Variants in SV2B observed in about 807,000 individuals in gnomAD.
SV2B encodes the protein synaptic vesicle glycoprotein 2B.
In SV2B, 41 loss-of-function variants were observed where a neutral mutation model predicts 73.9. That is an observed-to-expected ratio of 0.56 (90% CI 0.43 to 0.72). The LOEUF is 0.72. SV2B is among the 30% of genes least tolerant of loss of function. SV2B has a pLI of 0.00. For synonymous variants in SV2B, 314 were observed against 314.2 expected (o/e 1.00, Z 0.01); for missense variants, 764 against 857.8 (o/e 0.89, Z 1.37).
At chr15:91,270,012 C>T (rs1422902502) in intron 9 of SV2B, among the ~76,000 whole-genome samples, 2 of 152,094 alleles carry the variant, frequency 1.3e-5, no homozygotes, top group Admixed American at 6.5e-5. Context: ...ATTGTCTGAG[C>T]TCTTTAGTAT....
At chr15:91,152,071 CTT>C (rs59094531) in intron 1 of SV2B, among the ~76,000 whole-genome samples, 77 of 137,214 alleles carry the variant, frequency 5.6e-4, no homozygotes, top group Non-Finnish European at 7.7e-4. Context: ...AATTTTTACT[CTT>C]TTTTTTTTTT....
chr15:91,257,211 A>T (rs1248397238), intron 4 of SV2B, among the ~76,000 whole-genome samples: 1 of 152,214 alleles, frequency 6.6e-6, no homozygotes, highest in Non-Finnish European at 1.5e-5. Flanking sequence ...TTTCTAAAAA[A>T]AATCAATGTA....
chr15:91,168,670 A>G (rs2044008122), intron 1 of SV2B, among the ~76,000 whole-genome samples: 1 of 152,168 alleles, frequency 6.6e-6, no homozygotes, highest in East Asian at 1.9e-4. Flanking sequence ...TGAAAAAAAA[A>G]TTAAACCAGG....
At chr15:91,198,223 A>G (rs2045323390) in intron 1 of SV2B, among the ~76,000 whole-genome samples, 1 of 152,086 alleles carries the variant, frequency 6.6e-6, no homozygotes, top group Non-Finnish European at 1.5e-5. Context: ...CAATGTTAAG[A>G]TTAGATAAAG....
At chr15:91,217,894 C>G (rs1013388701) in intron 1 of SV2B, among the ~76,000 whole-genome samples, 2 of 152,214 alleles carry the variant, frequency 1.3e-5, no homozygotes, top group Non-Finnish European at 2.9e-5. Flanking sequence ...CAGGTCCTGT[C>G]TCCAGTAGTC....
At chr15:91,230,948 G>C (rs1014241891) in intron 2 of SV2B, among the ~76,000 whole-genome samples, 1 of 152,170 alleles carries the variant, frequency 6.6e-6, no homozygotes, top group Non-Finnish European at 1.5e-5. Flanking sequence ...GGGCTGGGGG[G>C]CGTTCTGGAG....
In SV2B at chr15:91,210,677, A is replaced by C. The variant is rs531355062; in HGVS notation, c.-391-15196A>C. Among the ~76,000 whole-genome samples the C allele has an allele frequency of 3.7e-4, 57 of 152,292 alleles. 2 individuals carry two copies. The highest frequency in any genetic ancestry group is 3.4e-3 in the Middle Eastern group (1 of 294). On this transcript the variant is annotated intron_variant, in intron 1 of 12. Coordinates refer to ENST00000394232, the MANE Select transcript of SV2B (RefSeq NM_001323032.3). ...ATCCACAAAGTTTCTTGAGTCTTTT[A>C]GGAAGAGATCAAATTTCCAGCCAGT...
Position 91,289,759 on chromosome 15 carries a change from T to C in SV2B, c.1868+79T>C, listed in dbSNP as rs2048979729. 3.4e-5 allele frequency: 50 copies of C among 1,465,504 alleles called. No individual in the cohort carries two copies. Among genetic ancestry groups the C allele is most frequent in the Non-Finnish European group, 4.3e-5 (47 of 1,080,644 alleles). The allele number at this position is 1,465,504 out of a possible 1,614,324, so 90.8% of individuals were successfully genotyped here. On this transcript the variant is annotated intron_variant, in intron 12 of 12. Coordinates refer to ENST00000394232, the MANE Select transcript of SV2B (RefSeq NM_001323032.3). The surrounding 1 kb of genome is among the most constrained non-coding windows in gnomAD (Gnocchi z 4.9). ...AAGTCTACCTGCTCCCTAAATCTCATGCTGTGCATGGCCATCGTGGTCTTT... is the reference window on the plus strand; with the variant it reads ...AAGTCTACCTGCTCCCTAAATCTCACGCTGTGCATGGCCATCGTGGTCTTT...
intron 1 of SV2B, among the ~76,000 whole-genome samples, chr15:91,151,554 A>G (rs568834679): frequency 1.1e-4 from 16 of 152,360 alleles, no homozygotes; most frequent in African/African-American, 3.8e-4. Context: ...ATCTCACCAA[A>G]CACAGGGAAA....
intron 1 of SV2B, among the ~76,000 whole-genome samples, chr15:91,102,535 C>T (rs2041759819): frequency 6.6e-6 from 1 of 152,134 alleles, no homozygotes; most frequent in African/African-American, 2.4e-5. Context: ...ATGTGTCAGC[C>T]ATTGCTCTAT....
intron 1 of SV2B, 40 bp from the exon 2 acceptor site, chr15:91,225,833 C>A (rs2046356827): frequency 5.8e-6 from 1 of 172,448 alleles, no homozygotes; most frequent in Non-Finnish European, 1.2e-5. Context: ...AGAATTTCAA[C>A]CTTTGTAAAT....
intron 4 of SV2B, among the ~76,000 whole-genome samples, chr15:91,257,546 G>A (rs1344250109): frequency 6.6e-6 from 1 of 152,234 alleles, no homozygotes; most frequent in Non-Finnish European, 1.5e-5. Flanking sequence ...ATGATGGGAT[G>A]CATTGGAATG....
At position 91,299,876 on chromosome 15, in the gene SV2B, C is replaced by T. The variant is rs1259592341; in HGVS notation, c.*7324C>T. 1 of 152,134 alleles carries T rather than the reference C, an allele frequency of 6.6e-6. No individual in the cohort carries two copies. Among genetic ancestry groups the T allele is most frequent in the Non-Finnish European group, 1.5e-5 (1 of 68,038 alleles). 9.4% of individuals were successfully genotyped at this position (152,134 alleles called of 1,614,324 possible). A position where few individuals can be genotyped will look rare whatever the true frequency, so the allele number is the denominator to read the frequency against. ...GCCAGGCTCGTCTCGAACTCCTGGC[C>T]TCAAGTGATCTGCCCGCCTCAGCCT... On this transcript the variant is annotated 3_prime_UTR_variant, in exon 13 of 13. Transcript: ENST00000394232.
chr15:91,187,721 G>C (rs948870885), intron 1 of SV2B, among the ~76,000 whole-genome samples: 1 of 151,530 alleles, frequency 6.6e-6, no homozygotes, highest in Non-Finnish European at 1.5e-5. Context: ...ATGATAAGTA[G>C]ATTTGTATAA....
intron 1 of SV2B, chr15:91,101,909 G>T (rs1300517101): frequency 6.6e-6 from 1 of 152,100 alleles, no homozygotes; most frequent in African/African-American, 2.4e-5. Context: ...TGAATTCCAG[G>T]ACTATGAAGG....
rs768341684 is a variant in SV2B at position 91,268,495 on chromosome 15, A to G, written c.1263A>G (p.Glu421=). Reference sequence around the variant, plus strand: ...ATATGATCCGCTATTTTCAAGATGAAGAATACAAGTCTAAAATGAAGGTGT... The same window carrying G: ...ATATGATCCGCTATTTTCAAGATGAGGAATACAAGTCTAAAATGAAGGTGT... The part of the protein sequence containing the change: ...FPDMIRYFQD[E]EYKSKMKVFF... Residue 421 remains glutamate, a synonymous_variant, in exon 9 of 13, where the codon GAA becomes GAG. Coordinates refer to ENST00000394232, the MANE Select transcript of SV2B (RefSeq NM_001323032.3). This position sits in a 1 kb window ranked among gnomAD's most constrained non-coding sequence, Gnocchi z 4.4. 1.2e-6 allele frequency: 2 copies of G among 1,614,120 alleles called. No homozygotes were observed. The highest frequency in any genetic ancestry group is 1.7e-6 in the Non-Finnish European group (2 of 1,179,958).
At chr15:91,244,227 T>A (rs1239843404) in intron 2 of SV2B, among the ~76,000 whole-genome samples, 2 of 152,236 alleles carry the variant, frequency 1.3e-5, no homozygotes, top group Admixed American at 1.3e-4. Context: ...TTGAAATTAT[T>A]ATACATGTGA....
At chr15:91,181,273 C>G (rs2044545955) in intron 1 of SV2B, among the ~76,000 whole-genome samples, 2 of 151,736 alleles carry the variant, frequency 1.3e-5, no homozygotes, top group African/African-American at 4.8e-5. Flanking sequence ...CAGAGGAGTA[C>G]CCGGCCATAT....
intron 1 of SV2B, among the ~76,000 whole-genome samples, chr15:91,207,078 A>C (rs939580163): frequency 3.3e-5 from 5 of 152,070 alleles, no homozygotes; most frequent in African/African-American, 1.2e-4. Flanking sequence ...GCTGGAGTGC[A>C]GAAGCATGAG....
Sources: gnomAD v4.1 joint callset for allele counts (sites outside exome capture counted in the v4.1 genomes callset) on GRCh38, gnomAD v4.1.1 for gene constraint, Gnocchi (gnomAD v3.1) non-coding constraint, MANE v1.5 for transcripts, NCBI Gene and HGNC (gene_info 2026-07-23, HGNC 2026-07-21) for gene names.